FRS2: variants seen among roughly 807,000 people sequenced by gnomAD.
FRS2 encodes fibroblast growth factor receptor substrate 2.
A neutral mutation model predicts 43.9 loss-of-function variants in FRS2; 8 were observed. The ratio of observed to expected loss-of-function variants is 0.18; its 90% CI spans 0.11 to 0.33. The LOEUF (loss-of-function observed/expected upper bound fraction) is 0.33. Ranked by LOEUF, FRS2 falls within the 10% of genes least tolerant of loss-of-function variation. The pLI, the probability that FRS2 is intolerant of heterozygous loss-of-function variation, is 1.00. For synonymous variants in FRS2, 219 were observed against 220.3 expected (o/e 0.99, Z 0.05); for missense variants, 534 against 627.6 (o/e 0.85, Z 1.59).
At chr12:69,478,119 A>G (rs947517746) in intron 1 of FRS2, among the ~76,000 whole-genome samples, 1 of 152,138 alleles carries the variant, frequency 6.6e-6, no homozygotes, top group Non-Finnish European at 1.5e-5. Flanking sequence ...GATACTTCCT[A>G]TGTATTTTTA....
At chr12:69,566,170 C>G in intron 4 of FRS2, among the ~76,000 whole-genome samples, 2 of 152,156 alleles carry the variant, frequency 1.3e-5, no homozygotes, top group East Asian at 1.9e-4. Flanking sequence ...TATATCCCTG[C>G]CAGCACGAGA....
chr12:69,477,771 C>G (rs997654926), intron 1 of FRS2, among the ~76,000 whole-genome samples: 1 of 150,636 alleles, frequency 6.6e-6, no homozygotes, highest in African/African-American at 2.5e-5. Flanking sequence ...GACAGAGTCT[C>G]GCTCTGTTGC....
rs561617652 is a variant in FRS2 at position 69,569,102 on chromosome 12, TA to T, written c.66+10del. 3.8e-5 allele frequency: 60 copies of T among 1,579,094 alleles called. No individual in the cohort carries two copies. The highest frequency in any genetic ancestry group is 5.0e-5 in the Non-Finnish European group (57 of 1,149,518). On this transcript the variant is annotated splice_region_variant and intron_variant, in intron 5 of 8. Coordinates refer to ENST00000549921, the MANE Select transcript of FRS2 (RefSeq NM_001278356.2). ...ACCATCGGAACAAGTTTAAGGTCAG[TA>T]AAACTGGTTGAGTTATATATCTTAC...
In FRS2 at chr12:69,515,590, C is replaced by G. The variant is rs537233839; in HGVS notation, c.-260-15275C>G. ...TCTCTTGCTGTCTCTCTCTCTCACA[C>G]ACATACACATACTCACACCCACTCC... On this transcript the variant is annotated intron_variant, in intron 1 of 8. Coordinates refer to ENST00000549921, the MANE Select transcript of FRS2 (RefSeq NM_001278356.2). Among the ~76,000 whole-genome samples the G allele has an allele frequency of 1.8e-4, 27 of 152,150 alleles. 1 individual carries two copies. Among genetic ancestry groups the G allele is most frequent in the African/African-American group, 6.5e-4 (27 of 41,512 alleles).
At chr12:69,565,620 A>G (rs1880228530) in intron 4 of FRS2, among the ~76,000 whole-genome samples, 1 of 152,102 alleles carries the variant, frequency 6.6e-6, no homozygotes, top group South Asian at 2.1e-4. Flanking sequence ...ACTTCTGTTA[A>G]AAACTAAGAC....
intron 1 of FRS2, among the ~76,000 whole-genome samples, chr12:69,479,447 G>A (rs895580415): frequency 4.7e-5 from 7 of 148,290 alleles, no homozygotes; most frequent in African/African-American, 1.8e-4. Flanking sequence ...TGCCAGGCTG[G>A]AGTGCAGTGG....
chr12:69,520,376 G>GTTTTTTTT (rs112572825), intron 1 of FRS2, among the ~76,000 whole-genome samples: 1 of 110,036 alleles, frequency 9.1e-6, no homozygotes, highest in Non-Finnish European at 1.8e-5. Context: ...TCTATTATTA[G>GTTTTTTTT]TTTTTTTTTT....
intron 3 of FRS2, among the ~76,000 whole-genome samples, chr12:69,538,197 T>TTTTATATATATATATATATATA (rs869192774): frequency 4.5e-4 from 37 of 81,586 alleles, no homozygotes; most frequent in South Asian, 4.1e-3. Flanking sequence ...AAAACAAATT[T>TTTTATATATATATATATATATA]TATATATATA....
rs192755011 is a variant in FRS2 at position 69,555,628 on chromosome 12, C to A, written c.-121-6552C>A. Reference sequence around the variant, plus strand: ...AAGTATTTGTGGGATGCGAAATTTCCATATACAAAGGGCTGACTTTTCATA... The same window carrying A: ...AAGTATTTGTGGGATGCGAAATTTCAATATACAAAGGGCTGACTTTTCATA... On this transcript the variant is annotated intron_variant, in intron 3 of 8. Transcript: ENST00000549921. Among the ~76,000 whole-genome samples the A allele has an allele frequency of 1.7e-3, 263 of 152,238 alleles. 1 individual carries two copies. Among genetic ancestry groups the A allele is most frequent in the African/African-American group, 6.0e-3 (249 of 41,534 alleles).
At chr12:69,570,626 A>T (rs552348406) in intron 6 of FRS2, 109 bp downstream of exon 6, 6 of 669,796 alleles carry the variant, frequency 9.0e-6, no homozygotes, top group Non-Finnish European at 2.6e-6. Context: ...ATCCCAAAAT[A>T]AACAGATTGT....
chr12:69,494,711 A>G (rs544536172), intron 1 of FRS2, among the ~76,000 whole-genome samples: 2 of 152,212 alleles, frequency 1.3e-5, no homozygotes, highest in East Asian at 3.9e-4. Flanking sequence ...TGCTGACCCT[A>G]TGTTTTATCT....
chr12:69,574,892 A>G lies in FRS2; in HGVS notation c.1464A>G (p.Ala488=). 6.2e-7 allele frequency: 1 copy of G among 1,613,988 alleles called. No homozygotes were observed. The highest frequency in any genetic ancestry group is 8.5e-7 in the Non-Finnish European group (1 of 1,179,944). ...RTAAMSNLQK[A]LPRDDGTSRK... is the part of the protein sequence containing the mutation. Reference sequence around the variant, plus strand: ...CTGCTATGTCAAATTTGCAGAAAGCACTGCCACGAGATGATGGTACATCTA... The same window carrying G: ...CTGCTATGTCAAATTTGCAGAAAGCGCTGCCACGAGATGATGGTACATCTA... The change falls in exon 9 of 9, where the codon GCA becomes GCG. Residue 488 remains alanine, a synonymous_variant. Transcript: ENST00000549921.
At chr12:69,556,421 C>G (rs907058044) in intron 3 of FRS2, among the ~76,000 whole-genome samples, 1 of 152,056 alleles carries the variant, frequency 6.6e-6, no homozygotes, top group Non-Finnish European at 1.5e-5. Context: ...CAGCCTCCAC[C>G]TCCCAGGGTC....
intron 1 of FRS2, among the ~76,000 whole-genome samples, chr12:69,513,313 A>G (rs1350994037): frequency 2.0e-5 from 3 of 151,930 alleles, no homozygotes; most frequent in Non-Finnish European, 2.9e-5. Flanking sequence ...TTTAAAAACT[A>G]TGCTTGATTT....
intron 1 of FRS2, among the ~76,000 whole-genome samples, chr12:69,501,450 A>G (rs188016860): frequency 2.3e-4 from 35 of 152,360 alleles, no homozygotes; most frequent in Non-Finnish European, 3.5e-4. Flanking sequence ...TGTTTCTAGC[A>G]GAAGAGATGT....
At chr12:69,519,248 G>C (rs1332463598) in intron 1 of FRS2, among the ~76,000 whole-genome samples, 2 of 152,098 alleles carry the variant, frequency 1.3e-5, no homozygotes, top group Admixed American at 6.5e-5. Context: ...TGTATAAAAG[G>C]CAAACCTGCT....
chr12:69,559,978 CT>C (rs1879747521), intron 3 of FRS2, among the ~76,000 whole-genome samples: 1 of 152,188 alleles, frequency 6.6e-6, no homozygotes, highest in Non-Finnish European at 1.5e-5. Context: ...CAAATTCCCC[CT>C]CATTGCTAGT....
chr12:69,573,977 A>G (rs781481559), intron 8 of FRS2, 28 bp from the exon 9 acceptor site: 1 of 1,465,306 alleles, frequency 6.8e-7, no homozygotes, highest in Non-Finnish European at 9.3e-7. Flanking sequence ...TAAGTAAGTT[A>G]ACTAATTCAC....
intron 3 of FRS2, among the ~76,000 whole-genome samples, chr12:69,554,048 CA>C (rs1442103930): frequency 3.9e-5 from 6 of 152,142 alleles, no homozygotes; most frequent in Non-Finnish European, 8.8e-5. Context: ...AGCATTTACT[CA>C]TTAGAGTTTC....
Sources: allele counts gnomAD v4.1 joint callset (sites outside exome capture counted in the v4.1 genomes callset), GRCh38; gene constraint gnomAD v4.1.1; transcripts MANE v1.5; gene names NCBI Gene and HGNC (gene_info 2026-07-23, HGNC 2026-07-21).